CDH18: variants seen among roughly 807,000 people sequenced by gnomAD.
The protein encoded by CDH18 is cadherin 18, also known as cadherin-18.
Under a neutral mutation model 67.9 loss-of-function variants are expected in CDH18, and 31 were observed. That is an observed-to-expected ratio of 0.46 (90% confidence interval 0.34 to 0.62). CDH18 has a LOEUF of 0.62. Among genes scored for constraint, CDH18 ranks in the 20% least tolerant of loss-of-function variants. The pLI, the probability that CDH18 is intolerant of heterozygous loss-of-function variation, is 0.01. For missense variants in CDH18, 890 were observed against 975.5 expected (o/e 0.91, Z 1.17); for synonymous variants, 362 against 347.2 (o/e 1.04, Z -0.48).
At chr5:19,947,026 T>A (rs1795337215) in intron 2 of CDH18, among the ~76,000 whole-genome samples, 1 of 152,036 alleles carries the variant, frequency 6.6e-6, no homozygotes, top group African/African-American at 2.4e-5. Flanking sequence ...TTCAATAAAA[T>A]CCCAAAACAT....
At chr5:19,782,929 A>C (rs1775297201) in intron 3 of CDH18, among the ~76,000 whole-genome samples, 1 of 152,218 alleles carries the variant, frequency 6.6e-6, no homozygotes, top group Admixed American at 6.5e-5. Flanking sequence ...ACAAAGCAAT[A>C]ATATATCAAT....
chr5:20,164,894 T>A (rs1218168299), intron 2 of CDH18, among the ~76,000 whole-genome samples: 2 of 152,190 alleles, frequency 1.3e-5, no homozygotes, highest in Non-Finnish European at 2.9e-5. Flanking sequence ...GAATACCATA[T>A]AAGCTTCATC....
At chr5:20,370,734 G>A (rs1742916798) in intron 1 of CDH18, among the ~76,000 whole-genome samples, 1 of 152,206 alleles carries the variant, frequency 6.6e-6, no homozygotes, top group East Asian at 1.9e-4. Flanking sequence ...AGAAGAAAGT[G>A]TTACTAGTTA....
intron 1 of CDH18, among the ~76,000 whole-genome samples, chr5:20,356,587 T>A (rs1741624901): frequency 6.6e-6 from 1 of 151,900 alleles, no homozygotes; most frequent in African/African-American, 2.4e-5. Context: ...TTTTTGTTTA[T>A]CAGATAGGAA....
Position 19,528,263 on chromosome 5 carries a change from A to C in CDH18, c.1391-7485T>G, listed in dbSNP as rs1413100878. Reference sequence around the variant, plus strand: ...TTTCTATCTTTTATCTTTATAGAGTATATAGGATTTACCTTGTGATGAACT... The same window carrying C: ...TTTCTATCTTTTATCTTTATAGAGTCTATAGGATTTACCTTGTGATGAACT... On this transcript the variant is annotated intron_variant, in intron 9 of 12. Coordinates refer to ENST00000382275, the MANE Select transcript of CDH18 (RefSeq NM_004934.5). Among the ~76,000 whole-genome samples, 3 of 151,674 alleles carry C rather than the reference A, an allele frequency of 2.0e-5. No homozygotes were observed. The South Asian group carries it at 6.2e-4, about 31-fold the overall frequency.
intron 1 of CDH18, among the ~76,000 whole-genome samples, chr5:20,274,411 T>A (rs994638376): frequency 6.6e-6 from 1 of 152,104 alleles, no homozygotes; most frequent in African/African-American, 2.4e-5. Flanking sequence ...ACAATTTATA[T>A]AAAATTTTCA....
chr5:20,240,827 G>C (rs1742839496), intron 2 of CDH18, among the ~76,000 whole-genome samples: 1 of 151,850 alleles, frequency 6.6e-6, no homozygotes, highest in Admixed American at 6.6e-5. Context: ...CTGCTTATTT[G>C]GGTGGGAAAA....
At chr5:19,741,210 T>C (rs958167549) in intron 4 of CDH18, among the ~76,000 whole-genome samples, 7 of 143,552 alleles carry the variant, frequency 4.9e-5, no homozygotes, top group Non-Finnish European at 9.2e-5. Flanking sequence ...ATATATGTCA[T>C]ATATGTATAT....
At chr5:20,134,575 C>T (rs942883596) in intron 2 of CDH18, among the ~76,000 whole-genome samples, 1 of 152,258 alleles carries the variant, frequency 6.6e-6, no homozygotes, top group East Asian at 1.9e-4. Context: ...GAGTCTCCAC[C>T]TGGTCCCTTC....
At chr5:19,794,361 A>T (rs1330733756) in intron 3 of CDH18, among the ~76,000 whole-genome samples, 1 of 152,136 alleles carries the variant, frequency 6.6e-6, no homozygotes, top group Admixed American at 6.6e-5. Context: ...AGATGGAGAA[A>T]GGGTGAGTTC....
At chr5:20,163,230 TAC>T (rs1002681696) in intron 2 of CDH18, among the ~76,000 whole-genome samples, 8 of 152,124 alleles carry the variant, frequency 5.3e-5, no homozygotes, top group African/African-American at 1.9e-4. Context: ...CTCAAAAGAA[TAC>T]AGAGCCCTGT....
chr5:19,610,107 G>A (rs1251790156), intron 6 of CDH18, among the ~76,000 whole-genome samples: 1 of 152,018 alleles, frequency 6.6e-6, no homozygotes, highest in Non-Finnish European at 1.5e-5. Flanking sequence ...AACCCCAAGT[G>A]TAAACTTCTG....
At chr5:19,478,106 T>G (rs994545811) in intron 12 of CDH18, among the ~76,000 whole-genome samples, 1 of 152,146 alleles carries the variant, frequency 6.6e-6, no homozygotes. Flanking sequence ...AAACATTTTT[T>G]GTATTTGTTT....
intron 5 of CDH18, among the ~76,000 whole-genome samples, chr5:19,664,623 A>G (rs533240850): frequency 7.9e-5 from 12 of 151,934 alleles, no homozygotes; most frequent in African/African-American, 2.7e-4. Flanking sequence ...AGTTAAATAT[A>G]AATTCAAATG....
intron 1 of CDH18, among the ~76,000 whole-genome samples, chr5:20,506,886 G>A (rs138005438): frequency 6.6e-6 from 1 of 152,034 alleles, no homozygotes; most frequent in East Asian, 1.9e-4. Context: ...TGCTTCCTGG[G>A]TGTGTGACTG....
At chr5:20,510,897 T>C (rs1754991318) in intron 1 of CDH18, among the ~76,000 whole-genome samples, 1 of 152,058 alleles carries the variant, frequency 6.6e-6, no homozygotes, top group Admixed American at 6.6e-5. Context: ...CAAGTAGACA[T>C]AGAAATTTAG....
chr5:20,553,251 T>C (rs10064283), intron 1 of CDH18, among the ~76,000 whole-genome samples: 6,327 of 152,276 alleles, frequency 0.042, 426 homozygotes, highest in African/African-American at 0.14. Flanking sequence ...GCATGTTTTA[T>C]CTTTATTTAC....
At position 19,543,590 on chromosome 5, in the gene CDH18, C is replaced by A. The variant is rs149174136; in HGVS notation, c.1390+279G>T. ...CAAAAGCAAATGAAAAAGCAAGTCT[C>A]CCAATTAGAAGGAGAACCAAATGCC... On this transcript the variant is annotated intron_variant, in intron 9 of 12. Transcript: ENST00000382275. 5.3e-5 allele frequency among the ~76,000 whole-genome samples: 8 copies of A among 152,098 alleles called. No individual in the cohort carries two copies. In the East Asian group the frequency reaches 1.5e-3, roughly 29 times the overall value.
chr5:19,527,841 G>T (rs1747979376), intron 9 of CDH18, among the ~76,000 whole-genome samples: 1 of 151,632 alleles, frequency 6.6e-6, no homozygotes, highest in Admixed American at 6.6e-5. Flanking sequence ...ACTCTTTTCA[G>T]TACATTATTT....
Sources: allele counts gnomAD v4.1 joint callset (sites outside exome capture counted in the v4.1 genomes callset), GRCh38; gene constraint gnomAD v4.1.1; transcripts MANE v1.5; gene names NCBI Gene and HGNC (gene_info 2026-07-23, HGNC 2026-07-21).